Variants in FMN2 observed in about 807,000 individuals in gnomAD.
FMN2 encodes the protein formin-2.
FMN2 carries 51 observed loss-of-function variants against 142.3 expected under a neutral mutation model. The observed-to-expected ratio is 0.36, with a 90% CI of 0.29 to 0.45. The LOEUF (loss-of-function observed/expected upper bound fraction) is 0.45, where lower values mean the gene tolerates loss of function less well. FMN2 is among the 20% of genes least tolerant of loss of function. FMN2 has a pLI of 1.00. For missense variants in FMN2, 1,936 were observed against 2,122.8 expected (o/e 0.91, Z 1.73); for synonymous variants, 882 against 869.8 (o/e 1.01, Z -0.25).
intron 7 of FMN2, among the ~76,000 whole-genome samples, chr1:240,280,720 A>C (rs1272729783): frequency 6.6e-6 from 1 of 152,176 alleles, no homozygotes; most frequent in African/African-American, 2.4e-5. Flanking sequence ...CTCTTTGCTC[A>C]TCTATACACT....
At chr1:240,146,813 G>T (rs1046770782) in intron 2 of FMN2, among the ~76,000 whole-genome samples, 3 of 152,046 alleles carry the variant, frequency 2.0e-5, no homozygotes, top group African/African-American at 7.2e-5. Context: ...CCAAATAAGT[G>T]AACACCAATC....
At chr1:240,407,162 A>G (rs1674236088) in intron 15 of FMN2, among the ~76,000 whole-genome samples, 2 of 151,092 alleles carry the variant, frequency 1.3e-5, no homozygotes, top group Non-Finnish European at 1.5e-5. Flanking sequence ...TTTTAAGACC[A>G]AGTCTCGCTC....
intron 14 of FMN2, among the ~76,000 whole-genome samples, chr1:240,375,947 TTTCA>T (rs1405736533): frequency 4.1e-4 from 62 of 152,314 alleles, no homozygotes; most frequent in African/African-American, 1.3e-3. Flanking sequence ...TTTGTCTTTC[TTTCA>T]TTTTATTTTT....
intron 16 of FMN2, among the ~76,000 whole-genome samples, chr1:240,443,762 A>T (rs1191511868): frequency 6.6e-6 from 1 of 151,964 alleles, no homozygotes; most frequent in Non-Finnish European, 1.5e-5. Context: ...CAAAAAAAAA[A>T]ATTTTTTTTT....
chr1:240,185,712 A>G (rs1489385605), intron 3 of FMN2, among the ~76,000 whole-genome samples: 4 of 152,236 alleles, frequency 2.6e-5, no homozygotes, highest in African/African-American at 4.8e-5. Flanking sequence ...TCTAATGTAA[A>G]GAACTCTTTG....
At chr1:240,269,258 A>G (rs10082088) in intron 7 of FMN2, among the ~76,000 whole-genome samples, 103,359 of 151,708 alleles carry the variant, frequency 0.68, 35,733 homozygotes, top group East Asian at 0.85. Flanking sequence ...TTTTGTGTAT[A>G]TATAGATGTA....
chr1:240,429,797 C>A (rs1411771304), intron 15 of FMN2, among the ~76,000 whole-genome samples: 1 of 152,018 alleles, frequency 6.6e-6, no homozygotes, highest in Non-Finnish European at 1.5e-5. Context: ...ACAGTGTATC[C>A]ATTCCCCTGT....
chr1:240,432,613 A>G (rs959140628), intron 15 of FMN2, among the ~76,000 whole-genome samples: 5 of 151,782 alleles, frequency 3.3e-5, no homozygotes, highest in African/African-American at 1.2e-4. Context: ...TTTTTAATAC[A>G]TTCATTTTAA....
chr1:240,213,367 T>G (rs1054798953), intron 6 of FMN2, among the ~76,000 whole-genome samples: 10 of 152,188 alleles, frequency 6.6e-5, no homozygotes, highest in African/African-American at 2.4e-4. Context: ...TGGGTCTTGG[T>G]GCTGAGCTCT....
chr1:240,160,589 A>T (rs1222986283), intron 2 of FMN2, among the ~76,000 whole-genome samples: 2 of 151,732 alleles, frequency 1.3e-5, no homozygotes, highest in East Asian at 3.9e-4. Context: ...AACTCTTAGG[A>T]AACTTAGAAA....
At chr1:240,391,609 A>G (rs1034731773) in intron 14 of FMN2, among the ~76,000 whole-genome samples, 4 of 152,118 alleles carry the variant, frequency 2.6e-5, no homozygotes, top group Non-Finnish European at 5.9e-5. Flanking sequence ...TGATTTTCAA[A>G]CTGTGGGTCA....
intron 6 of FMN2, among the ~76,000 whole-genome samples, chr1:240,235,325 AATATTGCTATG>A (rs1430334521): frequency 6.6e-6 from 1 of 152,204 alleles, no homozygotes; most frequent in Non-Finnish European, 1.5e-5. Flanking sequence ...TGGTGAAGTT[AATATTGCTATG>A]ATATTCATTT....
At chr1:240,359,561 G>A (rs951702311) in intron 14 of FMN2, among the ~76,000 whole-genome samples, 1 of 152,098 alleles carries the variant, frequency 6.6e-6, no homozygotes, top group Non-Finnish European at 1.5e-5. Flanking sequence ...AATTCATCTA[G>A]CCCTGCAACC....
At chr1:240,150,447 G>A (rs1290718409) in intron 2 of FMN2, among the ~76,000 whole-genome samples, 7 of 152,222 alleles carry the variant, frequency 4.6e-5, no homozygotes, top group Non-Finnish European at 8.8e-5. Context: ...TTTTTACAAC[G>A]CGAGACCAAG....
At chr1:240,307,850 T>C (rs1391371539) in intron 8 of FMN2, among the ~76,000 whole-genome samples, 1 of 152,240 alleles carries the variant, frequency 6.6e-6, no homozygotes, top group Non-Finnish European at 1.5e-5. Context: ...TTTAATGATA[T>C]TCTTCCAACC....
chr1:240,213,118 A>G (rs1253859572), intron 6 of FMN2, among the ~76,000 whole-genome samples: 1 of 152,210 alleles, frequency 6.6e-6, no homozygotes, highest in Non-Finnish European at 1.5e-5. Context: ...ACATTAAACT[A>G]GTTGGCATGA....
chr1:240,425,803 TG>T (rs960038013), intron 15 of FMN2, among the ~76,000 whole-genome samples: 14 of 152,294 alleles, frequency 9.2e-5, no homozygotes, highest in African/African-American at 3.1e-4. Flanking sequence ...CTCTTTGATT[TG>T]TTGACCCATT....
At chr1:240,185,004 TCCCCTTCTCTTTCTCCCTCCTATACCTTC>T (rs1558344988) in intron 3 of FMN2, among the ~76,000 whole-genome samples, 10 of 99,558 alleles carry the variant, frequency 1.0e-4, no homozygotes, top group South Asian at 3.3e-4. Context: ...TCCTATACCT[TCCCCTTCTCTTTCTCCCTCCTATACCTTC>T]CCCCTTCTCT....
intron 8 of FMN2, among the ~76,000 whole-genome samples, chr1:240,301,434 TCCC>T (rs1670191978): frequency 1.3e-5 from 2 of 152,024 alleles, no homozygotes; most frequent in East Asian, 1.9e-4. Context: ...TAGCTACATT[TCCC>T]CCATTTCTGA....
Sources: gnomAD v4.1 joint callset for allele counts (sites outside exome capture counted in the v4.1 genomes callset) on GRCh38, gnomAD v4.1.1 for gene constraint, MANE v1.5 for transcripts, NCBI Gene and HGNC (gene_info 2026-07-23, HGNC 2026-07-21) for gene names.